Variants in ITPKB observed in about 807,000 individuals in gnomAD.
The protein encoded by ITPKB is IP3 3-kinase B.
ITPKB carries 13 observed loss-of-function variants against 69.4 expected under a neutral mutation model. The ratio of observed to expected loss-of-function variants is 0.19; its 90% CI spans 0.12 to 0.30. ITPKB has a LOEUF of 0.30. ITPKB is among the 10% of genes least tolerant of loss of function. The pLI is 1.00. For synonymous variants in ITPKB, 584 were observed against 513.7 expected (o/e 1.14, Z -1.85); for missense variants, 1,240 against 1,250.5 (o/e 0.99, Z 0.13).
intron 2 of ITPKB, among the ~76,000 whole-genome samples, chr1:226,650,883 A>G (rs1440690977): frequency 6.6e-6 from 1 of 152,146 alleles, no homozygotes; most frequent in African/African-American, 2.4e-5. Context: ...GGCTCCTTGG[A>G]TGGATGGACA....
At position 226,736,902 on chromosome 1, in the gene ITPKB, G is replaced by A; in HGVS notation, c.557C>T (p.Pro186Leu). Reference protein sequence around the residue: ...SPCPFRSSSQPPGRVLVQGAR... With the variant: ...SPCPFRSSSQLPGRVLVQGAR... ...GCCCTGAACCAGGACCCTTCCAGGG[G>A]GCTGACTGCTGCTGCGGAAGGGGCA... is the stretch of plus-strand genomic sequence containing the variant. Residue 186 changes from proline to leucine, a missense_variant, in exon 2 of 8, where the codon CCC becomes CTC. Around this residue, in one of 2 missense-constraint regions of ITPKB, gnomAD observed 992 missense variants for 853.8 expected, o/e 1.16. Coordinates refer to ENST00000429204, the MANE Select transcript of ITPKB (RefSeq NM_002221.4). 1.2e-6 allele frequency: 2 copies of A among 1,610,518 alleles called. No homozygotes were observed. The highest frequency in any genetic ancestry group is 1.7e-6 in the Non-Finnish European group (2 of 1,180,014).
chr1:226,703,278 GGGACCCA>G (rs1174363113), intron 2 of ITPKB, among the ~76,000 whole-genome samples: 1 of 152,194 alleles, frequency 6.6e-6, no homozygotes, highest in African/African-American at 2.4e-5. Context: ...CCTGCACCAA[GGGACCCA>G]GGAACCAGGC....
rs116952817 is a variant in ITPKB at position 226,729,075 on chromosome 1, G to A, written c.1932+6452C>T. On this transcript the variant is annotated intron_variant, in intron 2 of 7. Transcript: ENST00000429204. ...AAAGCTGAGGTGGATCTGCAAAGGC[G>A]AGTAAGGAGCTTATCCACTGAGGAA... Among the ~76,000 whole-genome samples, 106 of 152,296 alleles carry A rather than the reference G, an allele frequency of 7.0e-4. 1 individual carries two copies. In the East Asian group the frequency reaches 0.019, roughly 27 times the overall value.
Position 226,671,404 on chromosome 1 carries a change from A to C in ITPKB, c.1933-22633T>G, listed in dbSNP as rs563177057. On this transcript the variant is annotated intron_variant, in intron 2 of 7. Coordinates refer to ENST00000429204, the MANE Select transcript of ITPKB (RefSeq NM_002221.4). The stretch of plus-strand genomic sequence containing the variant: ...CTACAAATGTGATGCCAAGTAAAAG[A>C]ACCCAATAAATGCTGTTGCTAATGG... 1.8e-4 allele frequency among the ~76,000 whole-genome samples: 28 copies of C among 152,368 alleles called. No homozygotes were observed. The South Asian group carries it at 5.4e-3, about 29-fold the overall frequency.
chr1:226,634,063 G>A lies in ITPKB; in HGVS notation c.*608C>T, dbSNP rs1668776362. On this transcript the variant is annotated 3_prime_UTR_variant, in exon 8 of 8. Coordinates refer to ENST00000429204, the MANE Select transcript of ITPKB (RefSeq NM_002221.4). This position sits in a 1 kb window ranked among gnomAD's most constrained non-coding sequence, Gnocchi z 6.3. ...CAGGTTTCCATACCAGATGGGTGGGGGGCCTTGCCTGAGCAGCCCTGGAGA... is the reference window on the plus strand; with the variant it reads ...CAGGTTTCCATACCAGATGGGTGGGAGGCCTTGCCTGAGCAGCCCTGGAGA... 1 of 152,560 alleles carries A rather than the reference G, an allele frequency of 6.6e-6. No individual in the cohort carries two copies. The highest frequency in any genetic ancestry group is 1.9e-4 in the East Asian group (1 of 5,204). The allele number at this position is 152,560 out of a possible 1,614,324, so 9.5% of individuals were successfully genotyped here.
chr1:226,726,609 G>C (rs1045688006), intron 2 of ITPKB, among the ~76,000 whole-genome samples: 1 of 152,162 alleles, frequency 6.6e-6, no homozygotes, highest in Non-Finnish European at 1.5e-5. Context: ...TGGAGAGATC[G>C]AGGCTGCAGT....
chr1:226,674,817 C>T (rs1168698533), intron 2 of ITPKB: 1 of 152,282 alleles, frequency 6.6e-6, no homozygotes. Flanking sequence ...TCCCATCCCA[C>T]TTAAGATTTT....
intron 2 of ITPKB, among the ~76,000 whole-genome samples, chr1:226,719,834 G>A (rs991870763): frequency 6.6e-6 from 1 of 152,210 alleles, no homozygotes; most frequent in Non-Finnish European, 1.5e-5. Context: ...CTCTGTATCT[G>A]CTGAAACCCT....
At chr1:226,658,883 CCTGCAGGGG>C (rs1472138216) in intron 2 of ITPKB, among the ~76,000 whole-genome samples, 1 of 152,122 alleles carries the variant, frequency 6.6e-6, no homozygotes, top group Admixed American at 6.5e-5. Flanking sequence ...ACCGGGACCC[CCTGCAGGGG>C]CTACACGAAC....
chr1:226,649,376 TTGTGTGCA>T (rs1029409486), intron 2 of ITPKB, among the ~76,000 whole-genome samples: 4 of 126,230 alleles, frequency 3.2e-5, no homozygotes, highest in Non-Finnish European at 4.9e-5. Context: ...GTGCATGTGA[TTGTGTGCA>T]TGTGTGCATG....
chr1:226,724,999 C>T lies in ITPKB; in HGVS notation c.1932+10528G>A, dbSNP rs3768412. On this transcript the variant is annotated intron_variant, in intron 2 of 7. Transcript: ENST00000429204. ...GGAGCAAATTCCTCAAGACCTTTAC[C>T]CCAGACTCCTTCCCTAGAGGCTGTT... 5.3e-3 allele frequency among the ~76,000 whole-genome samples: 813 copies of T among 152,332 alleles called. 30 individuals carry two copies. In the East Asian group the frequency reaches 0.1, roughly 19 times the overall value.
intron 2 of ITPKB, among the ~76,000 whole-genome samples, chr1:226,709,305 C>T (rs1415996363): frequency 6.6e-6 from 1 of 152,220 alleles, no homozygotes; most frequent in Non-Finnish European, 1.5e-5. Flanking sequence ...AGGCTAGCAA[C>T]ATCCAGAAAC....
chr1:226,638,523 A>G (rs1668886039), intron 6 of ITPKB, among the ~76,000 whole-genome samples: 1 of 152,066 alleles, frequency 6.6e-6, no homozygotes. Context: ...ATGTGCCTGG[A>G]TCTCTGACTG....
intron 2 of ITPKB, among the ~76,000 whole-genome samples, chr1:226,681,519 C>T (rs184368865): frequency 4.0e-3 from 613 of 152,330 alleles, no homozygotes; most frequent in Non-Finnish European, 4.5e-3. Flanking sequence ...GAGCCCAAAT[C>T]TAACCCAGGA....
intron 2 of ITPKB, among the ~76,000 whole-genome samples, chr1:226,703,267 G>A (rs1299162320): frequency 1.3e-5 from 2 of 152,192 alleles, no homozygotes; most frequent in South Asian, 4.1e-4. Flanking sequence ...GGGTGTGAAA[G>A]CCTGCACCAA....
At chr1:226,674,095 T>A (rs1669677280) in intron 2 of ITPKB, among the ~76,000 whole-genome samples, 1 of 152,100 alleles carries the variant, frequency 6.6e-6, no homozygotes, top group East Asian at 1.9e-4. Flanking sequence ...CATCTCCTGG[T>A]GATAGAGTTC....
intron 2 of ITPKB, among the ~76,000 whole-genome samples, chr1:226,689,309 C>T (rs1258127869): frequency 6.6e-6 from 1 of 152,230 alleles, no homozygotes; most frequent in Non-Finnish European, 1.5e-5. Context: ...GCTGATTCCA[C>T]TGGGGCTGTG....
chr1:226,693,920 G>C (rs954902324), intron 2 of ITPKB, among the ~76,000 whole-genome samples: 1 of 152,214 alleles, frequency 6.6e-6, no homozygotes, highest in African/African-American at 2.4e-5. Flanking sequence ...TGTCTTCAAG[G>C]ATAGCTCTGA....
In ITPKB at chr1:226,641,296, T is replaced by C. The variant is rs1222165889; in HGVS notation, c.2451+625A>G. On this transcript the variant is annotated intron_variant, in intron 5 of 7. Coordinates refer to ENST00000429204, the MANE Select transcript of ITPKB (RefSeq NM_002221.4). The surrounding 1 kb of genome is among the most constrained non-coding windows in gnomAD (Gnocchi z 4.6). ...TAAGAACTTTCCTGCCAGATACACA[T>C]AGGTACAAAGGGATAGAAGGGAAAG... is the stretch of plus-strand genomic sequence containing the variant. 2.0e-5 allele frequency among the ~76,000 whole-genome samples: 3 copies of C among 152,168 alleles called. No homozygotes were observed. Among genetic ancestry groups the C allele is most frequent in the Non-Finnish European group, 2.9e-5 (2 of 68,026 alleles).
Sources: gnomAD v4.1 joint callset for allele counts (sites outside exome capture counted in the v4.1 genomes callset) on GRCh38, gnomAD v4.1.1 for gene constraint, gnomAD v4.1.1 regional missense constraint, Gnocchi (gnomAD v3.1) non-coding constraint, MANE v1.5 for transcripts, NCBI Gene and HGNC (gene_info 2026-07-23, HGNC 2026-07-21) for gene names.